SNAP47: variants seen among roughly 807,000 people sequenced by gnomAD.
SNAP47 encodes the protein synaptosomal-associated protein 47.
Under a neutral mutation model 31.4 loss-of-function variants are expected in SNAP47, and 20 were observed. The observed-to-expected ratio is 0.64, with a 90% CI of 0.45 to 0.93. SNAP47 has a LOEUF of 0.93. Ranked by LOEUF, SNAP47 falls within the 40% of genes least tolerant of loss-of-function variation. The pLI is 0.00. For missense variants in SNAP47, 492 were observed against 528.5 expected, an observed-to-expected ratio of 0.93 and a Z score of 0.68; for synonymous variants, 194 against 213.4, an observed-to-expected ratio of 0.91 and a Z score of 0.79.
In SNAP47 at chr1:227,775,675, T is replaced by A. The variant is rs956557521; in HGVS notation, c.1114-4852T>A. On this transcript the variant is annotated intron_variant, in intron 4 of 4. Transcript: ENST00000617596. ...GGTGCGCGCATGGACACACAGCTGC[T>A]TTGTAGGTGGGCCCACCCTACTTCA... 30 of 1,080,578 alleles carry A rather than the reference T, an allele frequency of 2.8e-5. No homozygotes were observed. In the African/African-American group the frequency reaches 4.5e-4, roughly 16 times the overall value. The allele number at this position is 1,080,578 out of a possible 1,614,324, so 66.9% of individuals were successfully genotyped here. A position where few individuals can be genotyped will look rare whatever the true frequency, so the allele number is the denominator to read the frequency against.
chr1:227,733,465 C>T (rs148217485), upstream of SNAP47: 53 of 1,589,424 alleles, frequency 3.3e-5, no homozygotes, highest in Middle Eastern at 1.7e-4. Context: ...CCATCTCGCC[C>T]GCTTCCTGCG....
intron 1 of SNAP47, among the ~76,000 whole-genome samples, chr1:227,737,903 G>T (rs1306618723): frequency 1.3e-5 from 2 of 152,078 alleles, no homozygotes; most frequent in South Asian, 2.1e-4. Context: ...GTTTATTGGG[G>T]TTTTTTTTAC....
In SNAP47 at chr1:227,759,148, T is replaced by G; in HGVS notation, c.651T>G (p.Ile217Met). ...EGILIKIPAV[I>M]SHRTESHVKP... ...TACTGATAAAAATTCCTGCTGTTAT[T>G]TCCCACAGAACAGAGTCTCACGTTA... The change falls in exon 3 of 5, where the codon ATT becomes ATG. Residue 217 changes from isoleucine to methionine, a missense_variant. By Grantham distance (10) the Ile-to-Met change is conservative (BLOSUM62 1). Transcript: ENST00000617596. The G allele has an allele frequency of 6.2e-7, 1 of 1,614,192 alleles. No individual in the cohort carries two copies. Among genetic ancestry groups the G allele is most frequent in the East Asian group, 2.2e-5 (1 of 44,884 alleles).
intron 2 of SNAP47, among the ~76,000 whole-genome samples, chr1:227,755,771 G>A (rs1347522914): frequency 6.6e-6 from 1 of 152,118 alleles, no homozygotes; most frequent in African/African-American, 2.4e-5. Context: ...CTTAACTAAA[G>A]GTGACAGGAA....
rs1662606051 is a variant in SNAP47, at chr1:227,754,981, G to T, written c.498-4014G>T. Reference sequence around the variant, plus strand: ...AGCCAACTGAATGGATCCCATCTTGGCCAAGGGGATTCCAAAGTAATCCTG... The same window carrying T: ...AGCCAACTGAATGGATCCCATCTTGTCCAAGGGGATTCCAAAGTAATCCTG... On this transcript the variant is annotated intron_variant, in intron 2 of 4. Coordinates refer to ENST00000617596, the MANE Select transcript of SNAP47 (RefSeq NM_053052.4). Among the ~76,000 whole-genome samples, 3 of 152,216 alleles carry T rather than the reference G, an allele frequency of 2.0e-5. 1 individual carries two copies. The South Asian group carries it at 6.2e-4, about 32-fold the overall frequency.
chr1:227,779,643 C>A (rs1332919227), intron 4 of SNAP47, among the ~76,000 whole-genome samples: 1 of 152,194 alleles, frequency 6.6e-6, no homozygotes, highest in Non-Finnish European at 1.5e-5. Context: ...CCAGTGTATT[C>A]TTCTCCATTG....
At chr1:227,734,699 T>G (rs201330178), upstream of SNAP47, 27 of 1,613,716 alleles carry the variant, frequency 1.7e-5, no homozygotes, top group East Asian at 3.3e-4. Flanking sequence ...GGGAGAGGAG[T>G]AGCCCGCCTG....
chr1:227,732,444 T>C (rs1571959927), upstream of SNAP47: 2 of 1,613,114 alleles, frequency 1.2e-6, no homozygotes, highest in Non-Finnish European at 1.7e-6. Flanking sequence ...CAGCAGCTCT[T>C]TGGGCTGTGG....
upstream of SNAP47, chr1:227,734,480 C>A: frequency 1.8e-6 from 1 of 544,952 alleles, no homozygotes; most frequent in Non-Finnish European, 3.1e-6. Context: ...TCCCAAAGAA[C>A]AACACTTGCA....
At chr1:227,754,799 G>A (rs1459282953) in intron 2 of SNAP47, among the ~76,000 whole-genome samples, 1 of 152,212 alleles carries the variant, frequency 6.6e-6, no homozygotes, top group Non-Finnish European at 1.5e-5. Flanking sequence ...ACTAAAACCA[G>A]GACCTGTGAG....
intron 4 of SNAP47, among the ~76,000 whole-genome samples, chr1:227,773,538 G>A (rs749771595): frequency 6.6e-6 from 1 of 152,208 alleles, no homozygotes; most frequent in Admixed American, 6.5e-5. Flanking sequence ...CCACAGTAGT[G>A]TTCAGTCATG....
intron 4 of SNAP47, among the ~76,000 whole-genome samples, chr1:227,774,323 G>A (rs534656878): frequency 6.6e-6 from 1 of 152,372 alleles, no homozygotes; most frequent in Non-Finnish European, 1.5e-5. Flanking sequence ...CGCAGTCTTG[G>A]TTCAGGCTGG....
Position 227,781,020 on chromosome 1 carries a change from T to G in SNAP47, c.*347T>G, listed in dbSNP as rs1054368991. 5 of 257,896 alleles carry G rather than the reference T, an allele frequency of 1.9e-5. No individual in the cohort carries two copies. 16.0% of individuals were successfully genotyped at this position (257,896 alleles called of 1,614,324 possible). ...TCATGGACAGACTGGCCTTCTTAGC[T>G]GTACTATAAATTTGTGAGTGAAGTT... On this transcript the variant is annotated 3_prime_UTR_variant, in exon 5 of 5. Coordinates refer to ENST00000617596, the MANE Select transcript of SNAP47 (RefSeq NM_053052.4).
intron 1 of SNAP47, among the ~76,000 whole-genome samples, chr1:227,738,322 G>T (rs1661368630): frequency 6.6e-6 from 1 of 152,174 alleles, no homozygotes; most frequent in African/African-American, 2.4e-5. Flanking sequence ...TTACAGGCGT[G>T]AGCCACCGCA....
At chr1:227,776,828 G>T in intron 4 of SNAP47, 1 of 985,446 alleles carries the variant, frequency 1.0e-6, no homozygotes, top group Middle Eastern at 5.2e-4. Flanking sequence ...TGGCAGGCAG[G>T]CCAAGGGTCT....
At chr1:227,735,942 G>A (rs1388574887) in intron 1 of SNAP47, among the ~76,000 whole-genome samples, 3 of 151,614 alleles carry the variant, frequency 2.0e-5, no homozygotes, top group Non-Finnish European at 4.4e-5. Context: ...GGTACAGTGG[G>A]GACCTGGAGA....
In SNAP47 at chr1:227,767,093, C is replaced by A. The variant is rs779821356; in HGVS notation, c.1113+10C>A. On this transcript the variant is annotated intron_variant, in intron 4 of 4. Transcript: ENST00000617596. The stretch of plus-strand genomic sequence containing the variant: ...CCAGGAACTAACCCAGGTAAGATGT[C>A]CCCAGTGCCATGCCAGCCAGCGCTG... The A allele has an allele frequency of 3.2e-5, 52 of 1,613,804 alleles. No homozygotes were observed. The highest frequency in any genetic ancestry group is 4.2e-5 in the Non-Finnish European group (50 of 1,179,958).
rs533896917 is a variant in SNAP47, at chr1:227,741,653, G to A, written c.-45-6039G>A. Among the ~76,000 whole-genome samples the A allele has an allele frequency of 1.1e-4, 16 of 152,246 alleles. No homozygotes were observed. Among genetic ancestry groups the A allele is most frequent in the African/African-American group, 2.9e-4 (12 of 41,536 alleles). ...GTGGGATCAGGGCCCCGGGAGGAGG[G>A]TCTGGCCTTGGAGGTGAAAAGGGAC... On this transcript the variant is annotated intron_variant, in intron 1 of 4. Coordinates refer to ENST00000617596, the MANE Select transcript of SNAP47 (RefSeq NM_053052.4). This position sits in a 1 kb window ranked among gnomAD's most constrained non-coding sequence, Gnocchi z 4.2.
At chr1:227,777,246 A>G in intron 4 of SNAP47, 1 of 363,566 alleles carries the variant, frequency 2.8e-6, no homozygotes, top group Non-Finnish European at 3.8e-6. Context: ...AAGTGATCAC[A>G]TCACAACCAG....
Sources: allele counts gnomAD v4.1 joint callset (sites outside exome capture counted in the v4.1 genomes callset), GRCh38; gene constraint gnomAD v4.1.1; non-coding constraint Gnocchi (gnomAD v3.1); transcripts MANE v1.5; gene names NCBI Gene and HGNC (gene_info 2026-07-23, HGNC 2026-07-21).